TP53BP1: variants seen among roughly 807,000 people sequenced by gnomAD.
TP53BP1 encodes tumor protein p53 binding protein 1.
Under a neutral mutation model 200.8 loss-of-function variants are expected in TP53BP1, and 61 were observed. The observed-to-expected ratio is 0.30, with a 90% CI of 0.25 to 0.38. The LOEUF (loss-of-function observed/expected upper bound fraction) is 0.38. TP53BP1 is among the 10% of genes least tolerant of loss of function. TP53BP1 has a pLI of 1.00. For missense variants in TP53BP1, 2,144 were observed against 2,371.9 expected, an observed-to-expected ratio of 0.90 and a Z score of 2.00; for synonymous variants, 822 against 844.3, an observed-to-expected ratio of 0.97 and a Z score of 0.46.
chr15:43,438,877 T>C (rs904680051), intron 15 of TP53BP1, among the ~76,000 whole-genome samples: 1 of 151,890 alleles, frequency 6.6e-6, no homozygotes, highest in Non-Finnish European at 1.5e-5. Context: ...ATCAGAGAAA[T>C]CTGAACATTG....
At chr15:43,508,781 G>A (rs1190081795) in intron 1 of TP53BP1, among the ~76,000 whole-genome samples, 2 of 152,170 alleles carry the variant, frequency 1.3e-5, no homozygotes, top group Non-Finnish European at 1.5e-5. Flanking sequence ...CTTTGGCAGT[G>A]AGCCTGCAAA....
intron 1 of TP53BP1, among the ~76,000 whole-genome samples, chr15:43,501,070 A>C (rs556870373): frequency 6.6e-6 from 1 of 152,314 alleles, no homozygotes; most frequent in South Asian, 2.1e-4. Flanking sequence ...CTGTATTTTA[A>C]AATCACTTAA....
chr15:43,407,085 T>TAA lies in TP53BP1; in HGVS notation c.*296_*297dup, dbSNP rs1480613720. On this transcript the variant is annotated 3_prime_UTR_variant, in exon 28 of 28. Transcript: ENST00000382044. ...GATGCCACAGAATAAAGTTCACTCTTAACTTTTCAATTTCCTTGGCCAGCT... is the reference window on the plus strand; with the variant it reads ...GATGCCACAGAATAAAGTTCACTCTTAAAACTTTTCAATTTCCTTGGCCAGCT... 3.2e-6 allele frequency: 1 copy of TAA among 307,920 alleles called. No homozygotes were observed. Among genetic ancestry groups the TAA allele is most frequent in the African/African-American group, 2.1e-5 (1 of 46,922 alleles). The allele number at this position is 307,920 out of a possible 1,614,324, so 19.1% of individuals were successfully genotyped here.
intron 4 of TP53BP1, among the ~76,000 whole-genome samples, chr15:43,483,302 G>C (rs1001057647): frequency 6.6e-6 from 1 of 151,094 alleles, no homozygotes; most frequent in Middle Eastern, 3.4e-3. Context: ...CATTTCTTCT[G>C]TGGGCTTAAA....
At chr15:43,467,397 G>A (rs2046610838) in intron 11 of TP53BP1, among the ~76,000 whole-genome samples, 1 of 152,126 alleles carries the variant, frequency 6.6e-6, no homozygotes, top group Non-Finnish European at 1.5e-5. Context: ...TTTTCAGGAG[G>A]CATGGACTGC....
Position 43,403,449 on chromosome 15 carries a change from T to A in TP53BP1, c.*3934A>T, listed in dbSNP as rs1190535105. 1.3e-5 allele frequency: 5 copies of A among 383,136 alleles called. No individual in the cohort carries two copies. Among genetic ancestry groups the A allele is most frequent in the Non-Finnish European group, 2.4e-5 (5 of 210,234 alleles). 23.7% of individuals were successfully genotyped at this position (383,136 alleles called of 1,614,324 possible). ...AGTTAAATGTGGCTAGATTGGAGGT[T>A]TGGTGCAGGGCTAAGAGAGTAATAC... On this transcript the variant is annotated 3_prime_UTR_variant, in exon 28 of 28. Transcript: ENST00000382044.
chr15:43,481,303 A>C (rs1181029205), intron 4 of TP53BP1, among the ~76,000 whole-genome samples: 1 of 152,184 alleles, frequency 6.6e-6, no homozygotes, highest in Non-Finnish European at 1.5e-5. Context: ...ATTACTGACA[A>C]GTGACAAGAG....
chr15:43,479,564 A>C (rs1043331782), intron 6 of TP53BP1, 38 bp from the exon 7 acceptor site: 11 of 1,588,762 alleles, frequency 6.9e-6, no homozygotes, highest in Non-Finnish European at 9.4e-6. Flanking sequence ...GAGATAATTA[A>C]GTTTTCAAAA....
chr15:43,476,968 A>G (rs2078891789), intron 8 of TP53BP1, among the ~76,000 whole-genome samples: 1 of 152,228 alleles, frequency 6.6e-6, no homozygotes, highest in Non-Finnish European at 1.5e-5. Flanking sequence ...ACCTAGGCTT[A>G]ATATCATATT....
At chr15:43,432,101 T>C (rs1359226496) in intron 17 of TP53BP1, 93 bp downstream of exon 17, 8 of 1,505,108 alleles carry the variant, frequency 5.3e-6, no homozygotes, top group African/African-American at 1.4e-5. Context: ...CTGTCAAGAA[T>C]TGTCATTAGG....
intron 4 of TP53BP1, among the ~76,000 whole-genome samples, chr15:43,481,959 G>C (rs2078975633): frequency 6.6e-6 from 1 of 151,994 alleles, no homozygotes; most frequent in South Asian, 2.1e-4. Context: ...CAGGCACGGT[G>C]GCTCACGCCT....
At position 43,409,761 on chromosome 15, in the gene TP53BP1, C is replaced by A; in HGVS notation, c.5306-20G>T. On this transcript the variant is annotated intron_variant, in intron 24 of 27. Transcript: ENST00000382044. ...AAAATTCTATATTAAAAAAAAAAAC[C>A]AAGATAATAATTACTGAGTGGTTTT... The A allele has an allele frequency of 1.6e-6, 2 of 1,252,432 alleles. No individual in the cohort carries two copies. The highest frequency in any genetic ancestry group is 1.6e-5 in the African/African-American group (1 of 64,286). 77.6% of individuals were successfully genotyped at this position (1,252,432 alleles called of 1,614,324 possible).
Position 43,421,908 on chromosome 15 carries a change from T to G in TP53BP1, c.4047A>C (p.Thr1349=), listed in dbSNP as rs372394690. 1 of 1,614,240 alleles carries G rather than the reference T, an allele frequency of 6.2e-7. No homozygotes were observed. The highest frequency in any genetic ancestry group is 8.5e-7 in the Non-Finnish European group (1 of 1,180,030). ...AGPLRGKTSG[T]EPADFALPSS... Reference sequence around the variant, plus strand: ...TGGGTAAGGCAAAATCTGCGGGTTCTGTCCCGCTGGTTTTCCCTCTGAGTG... The same window carrying G: ...TGGGTAAGGCAAAATCTGCGGGTTCGGTCCCGCTGGTTTTCCCTCTGAGTG... The change falls in exon 19 of 28, where the codon ACA becomes ACC. Residue 1349 remains threonine (T), a synonymous_variant. Coordinates refer to ENST00000382044, the MANE Select transcript of TP53BP1 (RefSeq NM_001141980.3).
chr15:43,476,204 G>T (rs901360473), intron 8 of TP53BP1, among the ~76,000 whole-genome samples: 1 of 152,210 alleles, frequency 6.6e-6, no homozygotes, highest in Non-Finnish European at 1.5e-5. Flanking sequence ...GGCAGAGGTT[G>T]CAGTGAGCTG....
intron 11 of TP53BP1, among the ~76,000 whole-genome samples, chr15:43,457,792 G>A (rs2046336940): frequency 6.6e-6 from 1 of 151,100 alleles, no homozygotes; most frequent in Non-Finnish European, 1.5e-5. Flanking sequence ...GCTGAGGCAG[G>A]TATATCACCT....
At position 43,413,141 on chromosome 15, in the gene TP53BP1, T is replaced by G. The variant is rs758538859; in HGVS notation, c.5283A>C (p.Thr1761=). ...TACCCTCCTCTTCTTCACTGCTTCC[T>G]GTAGGACCATCTGGCAGTTTGGAGC... The part of the protein sequence containing the change: ...ASRSKLPDGP[T]GSSEEEEEFL... The change falls in exon 24 of 28, where the codon ACA becomes ACC. Residue 1761 remains threonine (T), a synonymous_variant. Transcript: ENST00000382044. 6.2e-7 allele frequency: 1 copy of G among 1,614,190 alleles called. No individual in the cohort carries two copies. Among genetic ancestry groups the G allele is most frequent in the Non-Finnish European group, 8.5e-7 (1 of 1,180,016 alleles).
intron 10 of TP53BP1, 84 bp downstream of exon 10, chr15:43,474,589 C>G: frequency 1.1e-6 from 1 of 882,712 alleles, no homozygotes; most frequent in Non-Finnish European, 1.8e-6. Context: ...TTCTAAAGTA[C>G]AAAGAAGTAG....
intron 26 of TP53BP1, chr15:43,408,607 C>G: frequency 2.6e-6 from 1 of 385,446 alleles, no homozygotes; most frequent in South Asian, 3.2e-5. Flanking sequence ...CCAAATCATG[C>G]TCCTGAGCCT....
chr15:43,479,438 C>G lies in TP53BP1; in HGVS notation c.747G>C (p.Lys249Asn). 1 of 1,612,618 alleles carries G rather than the reference C, an allele frequency of 6.2e-7. No homozygotes were observed. The highest frequency in any genetic ancestry group is 8.5e-7 in the Non-Finnish European group (1 of 1,179,388). The change falls in exon 7 of 28, where the codon AAG becomes AAC. Residue 249 changes from lysine to asparagine, a missense_variant. Lys to Asn is a moderately conservative substitution (Grantham distance 94). Around this residue, in one of 4 missense-constraint regions of TP53BP1, gnomAD observed 1,700 missense variants for 1,710.3 expected, o/e 0.99. Coordinates refer to ENST00000382044, the MANE Select transcript of TP53BP1 (RefSeq NM_001141980.3). ...KDIPVTAQPS[K>N]DVHVVKEQNP... is the part of the protein sequence containing the mutation. ...TTTGCTCTTTTACAACATGTACATC[C>G]TTACTGGGCTGTGCTGTCACAGGGA...
Sources: allele counts gnomAD v4.1 joint callset (sites outside exome capture counted in the v4.1 genomes callset), GRCh38; gene constraint gnomAD v4.1.1; regional missense constraint gnomAD v4.1.1; transcripts MANE v1.5; gene names NCBI Gene and HGNC (gene_info 2026-07-23, HGNC 2026-07-21).